The following LRRC4C variants were observed in gnomAD, a reference collection of about 807,000 sequenced individuals.
The protein encoded by LRRC4C is leucine-rich repeat-containing protein 4C.
A neutral mutation model predicts 33.6 loss-of-function variants in LRRC4C; 5 were observed. The observed-to-expected ratio is 0.15, with a 90% CI of 0.08 to 0.31. The LOEUF (loss-of-function observed/expected upper bound fraction) is 0.31, where lower values mean the gene tolerates loss of function less well. Among genes scored for constraint, LRRC4C ranks in the 10% least tolerant of loss-of-function variants. The pLI is 1.00. For missense variants in LRRC4C, 560 were observed against 796.7 expected (o/e 0.70, Z 3.58); for synonymous variants, 329 against 302.0 (o/e 1.09, Z -0.93).
At chr11:40,577,376 T>C (rs1958237519) in intron 3 of LRRC4C, among the ~76,000 whole-genome samples, 1 of 152,170 alleles carries the variant, frequency 6.6e-6, no homozygotes, top group Non-Finnish European at 1.5e-5. Context: ...GTATAGTTTA[T>C]ACTACAAACA....
intron 4 of LRRC4C, among the ~76,000 whole-genome samples, chr11:40,279,388 T>A (rs1304156384): frequency 2.0e-5 from 3 of 152,174 alleles, no homozygotes. Context: ...ACAACAGGAA[T>A]TACACCATTG....
intron 5 of LRRC4C, among the ~76,000 whole-genome samples, chr11:40,236,454 C>T (rs530801033): frequency 6.6e-6 from 1 of 152,274 alleles, no homozygotes; most frequent in African/African-American, 2.4e-5. Flanking sequence ...ATCAGTAGAA[C>T]TAACTGGTAT....
intron 3 of LRRC4C, among the ~76,000 whole-genome samples, chr11:40,525,287 A>C (rs1955996725): frequency 1.3e-5 from 2 of 152,136 alleles, no homozygotes; most frequent in Admixed American, 1.3e-4. Context: ...TCTACTAAAA[A>C]TGAAAAAAAT....
intron 1 of LRRC4C, among the ~76,000 whole-genome samples, chr11:41,133,318 C>A (rs141370508): frequency 6.6e-6 from 1 of 152,038 alleles, no homozygotes; most frequent in South Asian, 2.1e-4. Context: ...AAAGTGATCT[C>A]CAAAGAGAGT....
chr11:40,402,413 C>G (rs533640754), intron 3 of LRRC4C, among the ~76,000 whole-genome samples: 4 of 152,074 alleles, frequency 2.6e-5, no homozygotes, highest in Non-Finnish European at 4.4e-5. Flanking sequence ...ATTTTATTCT[C>G]TTTTTGGCAG....
intron 1 of LRRC4C, among the ~76,000 whole-genome samples, chr11:41,408,023 G>A (rs1954307828): frequency 6.6e-6 from 1 of 152,146 alleles, no homozygotes; most frequent in Admixed American, 6.5e-5. Context: ...TTAGGAGCCA[G>A]GCTGTATGTT....
chr11:40,153,830 C>T lies in LRRC4C; in HGVS notation c.-95-12977G>A, dbSNP rs192669193. On this transcript the variant is annotated intron_variant, in intron 5 of 6. Transcript: ENST00000528697. ...AAAAAACCTAAGAATAATCAGTGTT[C>T]CTGAGGAAGAAGAGAATTCTAAAAG... Among the ~76,000 whole-genome samples, 562 of 152,246 alleles carry T rather than the reference C, an allele frequency of 3.7e-3. 1 individual carries two copies. Among genetic ancestry groups the T allele is most frequent in the Non-Finnish European group, 5.5e-3 (374 of 68,002 alleles).
chr11:40,336,993 A>AAAG (rs1946652303), intron 3 of LRRC4C, among the ~76,000 whole-genome samples: 2 of 115,568 alleles, frequency 1.7e-5, no homozygotes, highest in Non-Finnish European at 4.1e-5. Context: ...AAAAAAAAAA[A>AAAG]AAAAAAAAAA....
At chr11:40,844,723 G>T (rs1359441315) in intron 2 of LRRC4C, among the ~76,000 whole-genome samples, 1 of 152,190 alleles carries the variant, frequency 6.6e-6, no homozygotes, top group Non-Finnish European at 1.5e-5. Flanking sequence ...ACAAGTAATT[G>T]GTGTAATGTG....
chr11:40,274,978 C>T (rs1222630515), intron 4 of LRRC4C, among the ~76,000 whole-genome samples: 3 of 152,204 alleles, frequency 2.0e-5, no homozygotes, highest in East Asian at 1.9e-4. Context: ...CCTAGACTAT[C>T]GAAGTGAATA....
At chr11:40,674,253 C>A (rs1303210497) in intron 2 of LRRC4C, among the ~76,000 whole-genome samples, 3 of 152,138 alleles carry the variant, frequency 2.0e-5, no homozygotes. Context: ...AACTACCCAG[C>A]TTTTATATCA....
chr11:40,525,766 G>C (rs1956021404), intron 3 of LRRC4C, among the ~76,000 whole-genome samples: 1 of 151,494 alleles, frequency 6.6e-6, no homozygotes, highest in African/African-American at 2.4e-5. Context: ...AAAGGCCAAT[G>C]AAAATGCACA....
chr11:41,298,366 G>C (rs1406038099), intron 1 of LRRC4C, among the ~76,000 whole-genome samples: 3 of 151,892 alleles, frequency 2.0e-5, no homozygotes, highest in African/African-American at 7.2e-5. Flanking sequence ...ACATTAGACA[G>C]AAATGTGTCA....
At chr11:40,842,541 T>C (rs1952957846) in intron 2 of LRRC4C, among the ~76,000 whole-genome samples, 1 of 152,162 alleles carries the variant, frequency 6.6e-6, no homozygotes, top group South Asian at 2.1e-4. Context: ...ATTATTTTTA[T>C]GGTGAGAACA....
intron 3 of LRRC4C, among the ~76,000 whole-genome samples, chr11:40,441,928 C>T (rs565742038): frequency 2.6e-5 from 4 of 152,122 alleles, no homozygotes; most frequent in South Asian, 4.1e-4. Context: ...TTTGGGAGGC[C>T]GAGGCGGGTG....
chr11:40,555,526 A>G lies in LRRC4C; in HGVS notation c.-270+92616T>C, dbSNP rs75364345. Among the ~76,000 whole-genome samples, 201 of 152,264 alleles carry G rather than the reference A, an allele frequency of 1.3e-3. 7 individuals carry two copies. The East Asian group carries it at 0.034, about 26-fold the overall frequency. On this transcript the variant is annotated intron_variant, in intron 3 of 6. Transcript: ENST00000528697. ...CTTTCTTGCTCTCACTCAGATGCAG[A>G]CTCTCTGAGAAAGAATCAAAGAACA... is the stretch of plus-strand genomic sequence containing the variant.
intron 1 of LRRC4C, among the ~76,000 whole-genome samples, chr11:41,195,436 T>C (rs1223322202): frequency 6.6e-6 from 1 of 152,102 alleles, no homozygotes; most frequent in Non-Finnish European, 1.5e-5. Flanking sequence ...TCAATGGCTG[T>C]CAAACTGGAA....
chr11:40,556,772 G>T (rs1591096568), intron 3 of LRRC4C, among the ~76,000 whole-genome samples: 1 of 152,066 alleles, frequency 6.6e-6, no homozygotes, highest in African/African-American at 2.4e-5. Flanking sequence ...CAAATCAAAG[G>T]CTACTTACAA....
chr11:41,350,215 T>G (rs1254704222), intron 1 of LRRC4C, among the ~76,000 whole-genome samples: 2 of 152,128 alleles, frequency 1.3e-5, no homozygotes, highest in East Asian at 3.9e-4. Flanking sequence ...AAGATCTTTT[T>G]GAAAAAATGT....
Sources: gnomAD v4.1 joint callset for allele counts (sites outside exome capture counted in the v4.1 genomes callset) on GRCh38, gnomAD v4.1.1 for gene constraint, MANE v1.5 for transcripts, NCBI Gene and HGNC (gene_info 2026-07-23, HGNC 2026-07-21) for gene names.